Variants in CUX1 observed in about 807,000 individuals in gnomAD.
The protein encoded by CUX1 is protein CASP.
In CUX1, 31 loss-of-function variants were observed where a neutral mutation model predicts 158.8. The observed-to-expected ratio is 0.20, with a 90% CI of 0.15 to 0.26. The LOEUF (loss-of-function observed/expected upper bound fraction) is 0.26, where lower values mean the gene tolerates loss of function less well. Ranked by LOEUF, CUX1 falls within the 10% of genes least tolerant of loss-of-function variation. The pLI is 1.00. For missense variants in CUX1, 1,589 were observed against 2,014.6 expected (o/e 0.79, Z 4.04); for synonymous variants, 879 against 862.1 (o/e 1.02, Z -0.34).
intron 8 of CUX1, among the ~76,000 whole-genome samples, chr7:102,125,365 G>C (rs1254677062): frequency 6.6e-6 from 1 of 152,188 alleles, no homozygotes; most frequent in East Asian, 1.9e-4. Context: ...ACAGTGAAGA[G>C]TTAGGACGGA....
Position 102,249,483 on chromosome 7 carries a change from G to T in CUX1, c.*441G>T. On this transcript the variant is annotated 3_prime_UTR_variant, in exon 24 of 24. Coordinates refer to ENST00000292535, the MANE Select transcript of CUX1 (RefSeq NM_181552.4). Reference sequence around the variant, plus strand: ...GTCGAGCTTTTTTGTACCCTGAAGTGTTTTTTTTATTGCCCTAAGTGATTT... The same window carrying T: ...GTCGAGCTTTTTTGTACCCTGAAGTTTTTTTTTTATTGCCCTAAGTGATTT... 6 of 985,148 alleles carry T rather than the reference G, an allele frequency of 6.1e-6. No individual in the cohort carries two copies. The highest frequency in any genetic ancestry group is 7.2e-6 in the Non-Finnish European group (6 of 829,360). 61.0% of individuals were successfully genotyped at this position (985,148 alleles called of 1,614,324 possible).
Position 101,837,325 on chromosome 7 carries a change from C to T in CUX1, c.30+19656C>T, listed in dbSNP as rs571225757. 3.7e-4 allele frequency among the ~76,000 whole-genome samples: 57 copies of T among 152,226 alleles called. No homozygotes were observed. In the South Asian group the frequency reaches 0.011, roughly 29 times the overall value. On this transcript the variant is annotated intron_variant, in intron 1 of 23. Transcript: ENST00000292535. Reference sequence around the variant, plus strand: ...TCACTAAAGTATAATTAGAAGCTGGCGTAAATTGTGAATGAAATTGGCGGG... The same window carrying T: ...TCACTAAAGTATAATTAGAAGCTGGTGTAAATTGTGAATGAAATTGGCGGG...
At chr7:102,206,106 CAT>C (rs1241946648) in intron 20 of CUX1, among the ~76,000 whole-genome samples, 3 of 152,180 alleles carry the variant, frequency 2.0e-5, no homozygotes, top group Admixed American at 6.5e-5. Flanking sequence ...CGAGGGGGAA[CAT>C]GTGTAGCACG....
intron 4 of CUX1, among the ~76,000 whole-genome samples, chr7:102,093,013 C>T (rs920644540): frequency 2.0e-5 from 3 of 151,630 alleles, no homozygotes; most frequent in African/African-American, 7.3e-5. Flanking sequence ...TCCTGCCTTG[C>T]GTTTGTCATT....
rs1192538297 is a variant in CUX1 at position 102,142,148 on chromosome 7, C to T, written c.675-16412C>T. On this transcript the variant is annotated intron_variant, in intron 8 of 23. Transcript: ENST00000292535. ...TTCCTCTGTAGGTCTGCACTGCTCC[C>T]CTGTGGTGTGTCTTTTGTGCAGCGC... Among the ~76,000 whole-genome samples the T allele has an allele frequency of 3.3e-5, 5 of 152,256 alleles. No individual in the cohort carries two copies. The South Asian group carries it at 1.0e-3, about 32-fold the overall frequency.
intron 1 of CUX1, among the ~76,000 whole-genome samples, chr7:101,849,454 G>T (rs902905058): frequency 2.6e-5 from 4 of 151,914 alleles, no homozygotes; most frequent in African/African-American, 4.8e-5. Flanking sequence ...TCCTGAGTTA[G>T]TTTGCAAAGG....
chr7:101,988,987 C>T (rs1814714328), intron 2 of CUX1, among the ~76,000 whole-genome samples: 2 of 151,234 alleles, frequency 1.3e-5, no homozygotes, highest in African/African-American at 4.9e-5. Context: ...GGGTGAGATC[C>T]TGTCTCAAAA....
At chr7:101,816,973 C>G (rs1423209812), upstream of CUX1, 1 of 983,744 alleles carries the variant, frequency 1.0e-6, no homozygotes, top group East Asian at 1.2e-4. Flanking sequence ...CCGCGCACCT[C>G]GCGGCCGCCG....
chr7:101,828,595 G>A (rs1176756220), intron 1 of CUX1, among the ~76,000 whole-genome samples: 1 of 152,210 alleles, frequency 6.6e-6, no homozygotes, highest in East Asian at 1.9e-4. Flanking sequence ...GTCAGCATCG[G>A]AGGAATGTCT....
chr7:101,924,154 C>T (rs1387000956), intron 2 of CUX1, among the ~76,000 whole-genome samples: 1 of 151,704 alleles, frequency 6.6e-6, no homozygotes, highest in Non-Finnish European at 1.5e-5. Flanking sequence ...GCTATCTCTG[C>T]CATGGGGAGG....
chr7:102,025,825 G>A (rs1293500956), intron 2 of CUX1, among the ~76,000 whole-genome samples: 10 of 152,130 alleles, frequency 6.6e-5, no homozygotes, highest in Non-Finnish European at 4.4e-5. Flanking sequence ...TTGACCAAAT[G>A]TTTCTACAGG....
At position 102,248,221 on chromosome 7, in the gene CUX1, A is replaced by G. The variant is rs1306111658; in HGVS notation, c.3888-191A>G. On this transcript the variant is annotated intron_variant, in intron 23 of 23. Transcript: ENST00000292535. This position sits in a 1 kb window ranked among gnomAD's most constrained non-coding sequence, Gnocchi z 5.8. ...CCCAGCCCTGGGATGGCTCCTGGCC[A>G]GGCCCGGAGGGGTGGGTGGTGACTC... Among the ~76,000 whole-genome samples, 2 of 152,180 alleles carry G rather than the reference A, an allele frequency of 1.3e-5. No individual in the cohort carries two copies. The highest frequency in any genetic ancestry group is 4.8e-5 in the African/African-American group (2 of 41,444).
chr7:102,023,677 AT>A (rs777722990), intron 2 of CUX1, among the ~76,000 whole-genome samples: 1 of 152,222 alleles, frequency 6.6e-6, no homozygotes, highest in Non-Finnish European at 1.5e-5. Flanking sequence ...AAACTGAATA[AT>A]ATTTGCAGGC....
intron 1 of CUX1, among the ~76,000 whole-genome samples, chr7:101,826,958 G>A (rs1400802896): frequency 2.6e-5 from 4 of 152,082 alleles, no homozygotes; most frequent in Admixed American, 2.0e-4. Flanking sequence ...AGTGAAAGCA[G>A]GTAGATTATA....
intron 19 of CUX1, 90 bp downstream of exon 19, chr7:102,204,646 G>T: frequency 6.6e-7 from 1 of 1,517,592 alleles, no homozygotes; most frequent in South Asian, 1.3e-5. Context: ...CAGAGAGGGA[G>T]GAGGGAACTC....
At chr7:101,841,481 A>G (rs1281606252) in intron 1 of CUX1, among the ~76,000 whole-genome samples, 3 of 151,540 alleles carry the variant, frequency 2.0e-5, no homozygotes, top group East Asian at 3.9e-4. Flanking sequence ...ATTTCTCACC[A>G]TTATTTTACT....
intron 2 of CUX1, among the ~76,000 whole-genome samples, chr7:101,965,424 C>G (rs186222271): frequency 3.3e-5 from 5 of 152,224 alleles, no homozygotes; most frequent in African/African-American, 1.2e-4. Context: ...TTCCACCATC[C>G]TTGGTTCCCA....
At chr7:102,073,020 G>C (rs1826302565) in intron 4 of CUX1, among the ~76,000 whole-genome samples, 1 of 152,046 alleles carries the variant, frequency 6.6e-6, no homozygotes, top group African/African-American at 2.4e-5. Flanking sequence ...CTGGGAGCAG[G>C]ATCCCAGAAG....
intron 14 of CUX1, among the ~76,000 whole-genome samples, chr7:102,272,189 A>G (rs1791265178): frequency 6.6e-6 from 1 of 152,168 alleles, no homozygotes; most frequent in Non-Finnish European, 1.5e-5. Context: ...ACTCATCTAT[A>G]AGGACTTGGT....
Sources: gnomAD v4.1 joint callset for allele counts (sites outside exome capture counted in the v4.1 genomes callset) on GRCh38, gnomAD v4.1.1 for gene constraint, Gnocchi (gnomAD v3.1) non-coding constraint, MANE v1.5 for transcripts, NCBI Gene and HGNC (gene_info 2026-07-23, HGNC 2026-07-21) for gene names.